The following ANKS1B variants were observed in gnomAD, a reference collection of about 807,000 sequenced individuals.
ANKS1B encodes the protein ankyrin repeat and sterile alpha motif domain-containing protein 1B.
Under a neutral mutation model 148.3 loss-of-function variants are expected in ANKS1B, and 36 were observed. The observed-to-expected ratio is 0.24, with a 90% CI of 0.19 to 0.32. The LOEUF (loss-of-function observed/expected upper bound fraction) is 0.32. ANKS1B is among the 10% of genes least tolerant of loss of function. The pLI, the probability that ANKS1B is intolerant of heterozygous loss-of-function variation, is 1.00. For synonymous variants in ANKS1B, 542 were observed against 560.8 expected, an observed-to-expected ratio of 0.97 and a Z score of 0.47; for missense variants, 1,157 against 1,542.6, an observed-to-expected ratio of 0.75 and a Z score of 4.19.
chr12:99,146,332 G>A (rs1014534128), intron 15 of ANKS1B, among the ~76,000 whole-genome samples: 1 of 152,140 alleles, frequency 6.6e-6, no homozygotes, highest in Admixed American at 6.6e-5. Context: ...ACAGAGCACC[G>A]TGGGTGCACA....
chr12:99,781,063 C>CAAAAAAAAAAAA (rs35901124), intron 5 of ANKS1B, among the ~76,000 whole-genome samples: 1 of 120,234 alleles, frequency 8.3e-6, no homozygotes. Flanking sequence ...CACATAATTG[C>CAAAAAAAAAAAA]AAAAAAAAAA....
At chr12:98,903,373 C>G (rs949115668) in intron 17 of ANKS1B, among the ~76,000 whole-genome samples, 3 of 152,050 alleles carry the variant, frequency 2.0e-5, no homozygotes, top group African/African-American at 7.2e-5. Context: ...GCAGAAGATT[C>G]CATCATGCAG....
intron 15 of ANKS1B, among the ~76,000 whole-genome samples, chr12:99,141,239 C>T (rs1353754028): frequency 6.6e-6 from 1 of 152,052 alleles, no homozygotes; most frequent in Non-Finnish European, 1.5e-5. Flanking sequence ...AGTGTATTTC[C>T]GTACTCCCAT....
chr12:98,947,731 G>A (rs77434958), intron 17 of ANKS1B, among the ~76,000 whole-genome samples: 2,250 of 152,268 alleles, frequency 0.015, 60 homozygotes, highest in African/African-American at 0.052. Context: ...AGGTAGGACC[G>A]AAGTGATGAC....
chr12:98,904,281 A>G (rs1033430370), intron 17 of ANKS1B, among the ~76,000 whole-genome samples: 24 of 152,080 alleles, frequency 1.6e-4, no homozygotes, highest in African/African-American at 5.8e-4. Context: ...GAAACAGGAG[A>G]CTTGGAGGGC....
At chr12:98,942,330 TATC>T (rs1455737869) in intron 17 of ANKS1B, among the ~76,000 whole-genome samples, 2 of 152,090 alleles carry the variant, frequency 1.3e-5, no homozygotes, top group Admixed American at 6.5e-5. Context: ...ATGGCCAAAG[TATC>T]ATTCTGTAGT....
intron 22 of ANKS1B, among the ~76,000 whole-genome samples, chr12:98,783,987 C>A (rs1480940627): frequency 6.6e-6 from 1 of 152,136 alleles, no homozygotes; most frequent in Non-Finnish European, 1.5e-5. Flanking sequence ...CAGGAGGAGG[C>A]ACCACAATGT....
intron 17 of ANKS1B, among the ~76,000 whole-genome samples, chr12:98,944,658 C>T (rs566044566): frequency 7.4e-4 from 113 of 152,292 alleles, no homozygotes; most frequent in South Asian, 1.0e-3. Flanking sequence ...TACTGTCTGT[C>T]CCCTCACTGC....
chr12:99,133,226 T>G lies in ANKS1B; in HGVS notation c.2526+21063A>C, dbSNP rs558988088. ...GCCACCACGCCCAGCTATTTTTTTG[T>G]ATTTTTAGTAGAGACAGGGTTTCAC... On this transcript the variant is annotated intron_variant, in intron 15 of 26. Coordinates refer to ENST00000683438, the MANE Select transcript of ANKS1B (RefSeq NM_001352186.2). Among the ~76,000 whole-genome samples, 805 of 152,054 alleles carry G rather than the reference T, an allele frequency of 5.3e-3. 2 individuals are homozygous for G. The highest frequency in any genetic ancestry group is 8.6e-3 in the Non-Finnish European group (583 of 67,960).
chr12:98,859,825 A>AG (rs1429358728), intron 17 of ANKS1B, among the ~76,000 whole-genome samples: 1 of 152,170 alleles, frequency 6.6e-6, no homozygotes, highest in Non-Finnish European at 1.5e-5. Flanking sequence ...GCCTTTTGGG[A>AG]GGGAGGCTTT....
intron 11 of ANKS1B, among the ~76,000 whole-genome samples, chr12:99,401,966 G>A (rs145001663): frequency 1.4e-5 from 2 of 146,306 alleles, no homozygotes; most frequent in South Asian, 2.1e-4. Context: ...GACTGCCCTC[G>A]TACTATAATT....
chr12:99,194,931 C>A (rs2081212491), intron 14 of ANKS1B, among the ~76,000 whole-genome samples: 1 of 151,944 alleles, frequency 6.6e-6, no homozygotes, highest in African/African-American at 2.4e-5. Context: ...GTTCATAACA[C>A]CATTTTCTTT....
intron 8 of ANKS1B, among the ~76,000 whole-genome samples, chr12:99,659,909 C>T (rs1234623823): frequency 6.6e-6 from 1 of 152,150 alleles, no homozygotes; most frequent in Non-Finnish European, 1.5e-5. Flanking sequence ...GAAGCCACCT[C>T]CTTAATTACT....
At chr12:99,936,932 T>C (rs827792) in intron 1 of ANKS1B, among the ~76,000 whole-genome samples, 12,467 of 152,242 alleles carry the variant, frequency 0.082, 731 homozygotes, top group Non-Finnish European at 0.13. Flanking sequence ...TTTTTTAAAG[T>C]GGAAACAGGT....
In ANKS1B at chr12:99,984,271, C is replaced by T. The variant is rs771272399; in HGVS notation, c.-34G>A. On this transcript the variant is annotated 5_prime_UTR_variant, in exon 1 of 27. Transcript: ENST00000683438. ...ACCGACTCCCCCACAGAGTCCTTGC[C>T]CCCCTCGGGTCCTCCTCCCCACCCA... 3.8e-6 allele frequency: 6 copies of T among 1,592,212 alleles called. No individual in the cohort carries two copies. Among genetic ancestry groups the T allele is most frequent in the Non-Finnish European group, 5.1e-6 (6 of 1,168,404 alleles).
At chr12:99,831,542 A>G (rs911546057) in intron 1 of ANKS1B, among the ~76,000 whole-genome samples, 3 of 152,206 alleles carry the variant, frequency 2.0e-5, no homozygotes, top group African/African-American at 4.8e-5. Flanking sequence ...GGATTTTGAT[A>G]TATAATGCCA....
intron 17 of ANKS1B, among the ~76,000 whole-genome samples, chr12:98,870,575 G>T (rs1374125235): frequency 4.6e-5 from 7 of 152,218 alleles, no homozygotes; most frequent in African/African-American, 1.7e-4. Flanking sequence ...AGATGATGAG[G>T]AAAGCAGCTG....
At chr12:99,787,367 C>T (rs1486254571) in intron 4 of ANKS1B, among the ~76,000 whole-genome samples, 1 of 152,190 alleles carries the variant, frequency 6.6e-6, no homozygotes, top group East Asian at 1.9e-4. Flanking sequence ...TGTGACTTTG[C>T]TCCTCCTTCA....
chr12:99,060,913 A>T (rs989567381), intron 16 of ANKS1B, among the ~76,000 whole-genome samples: 2 of 152,212 alleles, frequency 1.3e-5, no homozygotes, highest in Non-Finnish European at 2.9e-5. Context: ...AAATGAGAAA[A>T]GTAGTTCTTG....
Sources: gnomAD v4.1 joint callset for allele counts (sites outside exome capture counted in the v4.1 genomes callset) on GRCh38, gnomAD v4.1.1 for gene constraint, MANE v1.5 for transcripts, NCBI Gene and HGNC (gene_info 2026-07-23, HGNC 2026-07-21) for gene names.